The following UBXN7 variants were observed in gnomAD, a reference collection of about 807,000 sequenced individuals.
The protein encoded by UBXN7 is UBX domain-containing protein 7.
In UBXN7, 9 loss-of-function variants were observed where a neutral mutation model predicts 58.0. That is an observed-to-expected ratio of 0.16 (90% CI 0.09 to 0.27). The LOEUF is 0.27. Ranked by LOEUF, UBXN7 falls within the 10% of genes least tolerant of loss-of-function variation. UBXN7 has a pLI of 1.00. For synonymous variants in UBXN7, 208 were observed against 205.0 expected, an observed-to-expected ratio of 1.01 and a Z score of -0.12; for missense variants, 328 against 599.6, an observed-to-expected ratio of 0.55 and a Z score of 4.73.
intron 4 of UBXN7, 52 bp from the exon 5 acceptor site, chr3:196,391,977 T>TTAA: frequency 3.1e-6 from 1 of 318,038 alleles, no homozygotes; most frequent in Non-Finnish European, 4.4e-6. Context: ...TGAATCACAC[T>TTAA]GAAAAAAAAA....
chr3:196,378,483 C>T (rs1466889802), intron 5 of UBXN7, among the ~76,000 whole-genome samples: 2 of 152,198 alleles, frequency 1.3e-5, no homozygotes, highest in African/African-American at 2.4e-5. Context: ...TAAAGTATGG[C>T]TATTCCATAG....
intron 8 of UBXN7, among the ~76,000 whole-genome samples, chr3:196,363,201 CACAT>C (rs558530730): frequency 0.24 from 33,425 of 139,012 alleles, 4,010 homozygotes; most frequent in Middle Eastern, 0.29. Context: ...CCGCACCTGG[CACAT>C]ACATACATAC....
At chr3:196,414,954 G>T (rs1198491564) in intron 1 of UBXN7, among the ~76,000 whole-genome samples, 15 of 151,988 alleles carry the variant, frequency 9.9e-5, no homozygotes, top group Admixed American at 8.5e-4. Context: ...TTGAAGGAAA[G>T]GAAAAGTTCT....
chr3:196,385,298 T>G (rs1729342650), intron 5 of UBXN7, among the ~76,000 whole-genome samples: 1 of 152,172 alleles, frequency 6.6e-6, no homozygotes, highest in African/African-American at 2.4e-5. Flanking sequence ...TCTCGCTCAG[T>G]CAGTGCTCAA....
At chr3:196,418,406 G>T (rs973122683) in intron 1 of UBXN7, among the ~76,000 whole-genome samples, 1 of 152,146 alleles carries the variant, frequency 6.6e-6, no homozygotes. Context: ...ATACATTTTT[G>T]ACAGTAAACA....
At chr3:196,380,761 C>A (rs186339640) in intron 5 of UBXN7, among the ~76,000 whole-genome samples, 1 of 152,222 alleles carries the variant, frequency 6.6e-6, no homozygotes, top group Non-Finnish European at 1.5e-5. Flanking sequence ...TCTGGAAAAA[C>A]GGGGCACTCC....
At chr3:196,380,107 G>A (rs1395734507) in intron 5 of UBXN7, among the ~76,000 whole-genome samples, 1 of 152,092 alleles carries the variant, frequency 6.6e-6, no homozygotes, top group Non-Finnish European at 1.5e-5. Context: ...AAAATCAGCT[G>A]AGCGTGGTGG....
chr3:196,407,703 A>C (rs554101684), intron 1 of UBXN7, among the ~76,000 whole-genome samples: 1 of 152,298 alleles, frequency 6.6e-6, no homozygotes, highest in Admixed American at 6.5e-5. Flanking sequence ...ATTTGGGAAT[A>C]AGCTGAAAAA....
intron 3 of UBXN7, among the ~76,000 whole-genome samples, chr3:196,401,421 C>T (rs1399930214): frequency 2.7e-5 from 4 of 149,890 alleles, no homozygotes; most frequent in Admixed American, 2.7e-4. Context: ...TATCAAAAGA[C>T]ATACATATAA....
chr3:196,372,343 C>CTTT (rs894793736), intron 5 of UBXN7, among the ~76,000 whole-genome samples: 8 of 107,508 alleles, frequency 7.4e-5, no homozygotes, highest in Admixed American at 2.8e-4. Flanking sequence ...TTCTTTCTTT[C>CTTT]TTTTTTTTTT....
At chr3:196,389,857 A>T (rs1216729923) in intron 5 of UBXN7, among the ~76,000 whole-genome samples, 1 of 152,218 alleles carries the variant, frequency 6.6e-6, no homozygotes, top group Non-Finnish European at 1.5e-5. Flanking sequence ...GTGTAAAAGT[A>T]TATCAAAGGA....
rs1728758394 is a variant in UBXN7, at chr3:196,369,512, C to A, written c.616-1G>T. On this transcript the variant is annotated splice_acceptor_variant, in intron 6 of 10. Transcript: ENST00000296328. LOFTEE classifies it high-confidence loss of function. Reference sequence around the variant, plus strand: ...GACCTTCCTCACTGTCATGATAAACCTGTTAAATCATTGATATAAAAAAAA... The same window carrying A: ...GACCTTCCTCACTGTCATGATAAACATGTTAAATCATTGATATAAAAAAAA... The A allele has an allele frequency of 6.2e-7, 1 of 1,603,434 alleles. No individual in the cohort carries two copies. Among genetic ancestry groups the A allele is most frequent in the Non-Finnish European group, 8.5e-7 (1 of 1,176,368 alleles).
chr3:196,388,294 G>C (rs1489713641), intron 5 of UBXN7, among the ~76,000 whole-genome samples: 1 of 142,954 alleles, frequency 7.0e-6, no homozygotes, highest in Admixed American at 7.1e-5. Flanking sequence ...GGCCTGTCGG[G>C]GGCTGGGGGG....
At chr3:196,372,300 TTCTCTCTC>T (rs144595952) in intron 5 of UBXN7, among the ~76,000 whole-genome samples, 12 of 133,560 alleles carry the variant, frequency 9.0e-5, no homozygotes, top group Non-Finnish European at 1.6e-4. Context: ...TAATAGCTGA[TTCTCTCTC>T]TCTCTCTCTC....
At chr3:196,423,095 C>T (rs533589237) in intron 1 of UBXN7, among the ~76,000 whole-genome samples, 1 of 152,342 alleles carries the variant, frequency 6.6e-6, no homozygotes, top group African/African-American at 2.4e-5. Flanking sequence ...CAAGTCCTCG[C>T]CTGGCTGCAT....
At chr3:196,359,803 G>A (rs1728456762) in intron 10 of UBXN7, among the ~76,000 whole-genome samples, 1 of 152,016 alleles carries the variant, frequency 6.6e-6, no homozygotes, top group South Asian at 2.1e-4. Context: ...TACTCGGGAG[G>A]CTGAGGCAAG....
intron 1 of UBXN7, among the ~76,000 whole-genome samples, chr3:196,422,923 T>C (rs1025465265): frequency 6.6e-6 from 1 of 152,028 alleles, no homozygotes; most frequent in East Asian, 1.9e-4. Context: ...CCCCAATAAA[T>C]AGGAAGGAAC....
chr3:196,379,575 A>T (rs984222661), intron 5 of UBXN7, among the ~76,000 whole-genome samples: 4 of 152,150 alleles, frequency 2.6e-5, no homozygotes, highest in Non-Finnish European at 5.9e-5. Flanking sequence ...CTTAATAGGG[A>T]CGATGGTATT....
At position 196,349,632 on chromosome 3, in the gene UBXN7, T is replaced by C. The variant is rs4371545; in HGVS notation, c.*7053A>G. 79,755 of 151,736 alleles carry C rather than the reference T, an allele frequency of 0.53. 21,388 individuals carry two copies. The highest frequency in any genetic ancestry group is 0.9 in the East Asian group (4,670 of 5,172). The allele number at this position is 151,736 out of a possible 1,614,324, so 9.4% of individuals were successfully genotyped here. A position where few individuals can be genotyped will look rare whatever the true frequency, so the allele number is the denominator to read the frequency against. ...GGCACTATGGAACCAGCTACCTAGA[T>C]AGAGAGAAAAAAGGAGAATGGCAGG... On this transcript the variant is annotated 3_prime_UTR_variant, in exon 11 of 11. Transcript: ENST00000296328.
Sources: gnomAD v4.1 joint callset for allele counts (sites outside exome capture counted in the v4.1 genomes callset) on GRCh38, gnomAD v4.1.1 for gene constraint, MANE v1.5 for transcripts, NCBI Gene and HGNC (gene_info 2026-07-23, HGNC 2026-07-21) for gene names.